The following CAMK2D variants were observed in gnomAD, a reference collection of about 807,000 sequenced individuals.
CAMK2D encodes the protein calcium/calmodulin dependent protein kinase II delta, also known as calcium/calmodulin-dependent protein kinase type II subunit delta.
In CAMK2D, 37 loss-of-function variants were observed where a neutral mutation model predicts 84.0. The ratio of observed to expected loss-of-function variants is 0.44; its 90% CI spans 0.34 to 0.58. The LOEUF is 0.58. CAMK2D is among the 20% of genes least tolerant of loss of function. The probability of loss-of-function intolerance (pLI) is 0.02; values close to 1 mark genes in which losing one functional copy is unlikely to be tolerated. For synonymous variants in CAMK2D, 202 were observed against 212.5 expected, an observed-to-expected ratio of 0.95 and a Z score of 0.43; for missense variants, 448 against 652.5, an observed-to-expected ratio of 0.69 and a Z score of 3.41.
chr4:113,709,745 C>CTATATATATATA (rs1554070590), intron 2 of CAMK2D, among the ~76,000 whole-genome samples: 12 of 24,634 alleles, frequency 4.9e-4, no homozygotes, highest in Middle Eastern at 0.025. Context: ...AAGCCGTGAA[C>CTATATATATATA]GATATATATA....
chr4:113,548,514 T>C, intron 5 of CAMK2D: 1 of 538,584 alleles, frequency 1.9e-6, no homozygotes, highest in Non-Finnish European at 3.3e-6. Context: ...AGAGGCATCA[T>C]GCATTATCAT....
At chr4:113,710,404 AG>A (rs1330321775) in intron 2 of CAMK2D, among the ~76,000 whole-genome samples, 1 of 152,188 alleles carries the variant, frequency 6.6e-6, no homozygotes, top group Non-Finnish European at 1.5e-5. Flanking sequence ...CTGAGCTCCT[AG>A]GACTATCTGA....
chr4:113,522,609 C>T (rs547615624), intron 8 of CAMK2D, among the ~76,000 whole-genome samples: 1 of 152,132 alleles, frequency 6.6e-6, no homozygotes, highest in Non-Finnish European at 1.5e-5. Flanking sequence ...GGGATGAAGG[C>T]CTGCACCTGT....
At chr4:113,711,397 A>G (rs1299657682) in intron 2 of CAMK2D, among the ~76,000 whole-genome samples, 1 of 152,044 alleles carries the variant, frequency 6.6e-6, no homozygotes, top group Non-Finnish European at 1.5e-5. Context: ...AAAAAAGAAA[A>G]TAATACTGAG....
At chr4:113,584,159 C>T (rs1053759100) in intron 4 of CAMK2D, among the ~76,000 whole-genome samples, 1 of 152,142 alleles carries the variant, frequency 6.6e-6, no homozygotes, top group African/African-American at 2.4e-5. Flanking sequence ...AGTCACTGCA[C>T]TGAGTGGACG....
chr4:113,479,548 TTTAA>T (rs1274620239), intron 16 of CAMK2D, among the ~76,000 whole-genome samples: 5 of 152,330 alleles, frequency 3.3e-5, no homozygotes, highest in East Asian at 3.9e-4. Context: ...ACTAAAATAC[TTTAA>T]TTGTTTAAAA....
chr4:113,690,361 GA>G (rs988671708), intron 2 of CAMK2D, among the ~76,000 whole-genome samples: 1 of 151,596 alleles, frequency 6.6e-6, no homozygotes, highest in Non-Finnish European at 1.5e-5. Context: ...TATTAGCCAA[GA>G]AAAAAAATCT....
intron 5 of CAMK2D, 82 bp from the exon 6 acceptor site, chr4:113,547,798 G>T: frequency 1.2e-6 from 1 of 833,110 alleles, no homozygotes; most frequent in Non-Finnish European, 1.8e-6. Context: ...CTGGGTTAAA[G>T]TGCAGAGCTA....
At chr4:113,542,698 G>C (rs1361655323) in intron 6 of CAMK2D, among the ~76,000 whole-genome samples, 4 of 147,818 alleles carry the variant, frequency 2.7e-5, no homozygotes, top group South Asian at 2.1e-4. Flanking sequence ...CTGGGCAACA[G>C]AGCGAGATTC....
chr4:113,472,574 T>C (rs1470965002), intron 16 of CAMK2D, among the ~76,000 whole-genome samples: 1 of 152,264 alleles, frequency 6.6e-6, no homozygotes, highest in Non-Finnish European at 1.5e-5. Context: ...GTTTAGATTT[T>C]GGATTAATCA....
At chr4:113,629,297 A>G (rs1194196572) in intron 3 of CAMK2D, among the ~76,000 whole-genome samples, 1 of 152,120 alleles carries the variant, frequency 6.6e-6, no homozygotes, top group Non-Finnish European at 1.5e-5. Flanking sequence ...ACAATTTCTG[A>G]GCAACCATTT....
chr4:113,609,749 G>A (rs2098992180), intron 3 of CAMK2D, among the ~76,000 whole-genome samples: 1 of 152,092 alleles, frequency 6.6e-6, no homozygotes, highest in African/African-American at 2.4e-5. Context: ...GCACTCCCTG[G>A]CCAACCTGGC....
chr4:113,600,303 T>C (rs903707370), intron 4 of CAMK2D, among the ~76,000 whole-genome samples: 5 of 152,180 alleles, frequency 3.3e-5, no homozygotes, highest in African/African-American at 1.2e-4. Flanking sequence ...GATAATCATG[T>C]ACCAAAGTAG....
intron 4 of CAMK2D, among the ~76,000 whole-genome samples, chr4:113,560,761 C>A (rs1006752511): frequency 3.3e-5 from 5 of 152,174 alleles, no homozygotes; most frequent in Non-Finnish European, 4.4e-5. Flanking sequence ...TGCATCTTGT[C>A]ACTTATTGCA....
intron 6 of CAMK2D, among the ~76,000 whole-genome samples, chr4:113,540,222 T>C (rs1180702978): frequency 6.6e-6 from 1 of 152,172 alleles, no homozygotes; most frequent in Non-Finnish European, 1.5e-5. Flanking sequence ...AAAATTTTGT[T>C]GACAAGGTTA....
chr4:113,581,807 G>C (rs1175681004), intron 4 of CAMK2D, among the ~76,000 whole-genome samples: 1 of 152,112 alleles, frequency 6.6e-6, no homozygotes. Context: ...TAATTTTCCT[G>C]TCTTTTCATG....
chr4:113,754,674 G>C, intron 2 of CAMK2D: 1 of 966,546 alleles, frequency 1.0e-6, no homozygotes, highest in Non-Finnish European at 1.2e-6. Flanking sequence ...CTGGAAGTGT[G>C]GATATACTTT....
At chr4:113,592,268 A>G (rs1383776001) in intron 4 of CAMK2D, among the ~76,000 whole-genome samples, 1 of 152,186 alleles carries the variant, frequency 6.6e-6, no homozygotes, top group Non-Finnish European at 1.5e-5. Flanking sequence ...AGTGCATGGC[A>G]GAAAATATCA....
intron 8 of CAMK2D, among the ~76,000 whole-genome samples, chr4:113,529,370 AAAAC>A (rs1265127532): frequency 2.6e-5 from 4 of 152,192 alleles, no homozygotes; most frequent in African/African-American, 9.7e-5. Flanking sequence ...TTTTTAAACT[AAAAC>A]AAGTCTAAAA....
Sources: allele counts gnomAD v4.1 joint callset (sites outside exome capture counted in the v4.1 genomes callset), GRCh38; gene constraint gnomAD v4.1.1; transcripts MANE v1.5; gene names NCBI Gene and HGNC (gene_info 2026-07-23, HGNC 2026-07-21).